Variants in CLIC5 observed in about 807,000 individuals in gnomAD.
CLIC5 encodes the protein CLIC family member 5.
A neutral mutation model predicts 24.7 loss-of-function variants in CLIC5; 20 were observed. That is an observed-to-expected ratio of 0.81 (90% CI 0.57 to 1.18). The LOEUF is 1.18. Among genes scored for constraint, CLIC5 ranks in the 50% most tolerant of loss-of-function variants. The pLI is 0.00. For synonymous variants in CLIC5, 159 were observed against 135.6 expected (o/e 1.17, Z -1.20); for missense variants, 341 against 326.1 (o/e 1.05, Z -0.35).
chr6:46,108,987 G>A, the CLIC5 span, among the ~76,000 whole-genome samples: 1 of 152,208 alleles, frequency 6.6e-6, no homozygotes, highest in South Asian at 2.1e-4. Context: ...AAGAAATGGT[G>A]TTTAACTTGT....
the CLIC5 span, among the ~76,000 whole-genome samples, chr6:46,103,638 C>T: frequency 3.7e-5 from 5 of 135,008 alleles, no homozygotes; most frequent in African/African-American, 1.3e-4. Flanking sequence ...CTCAGGATGG[C>T]ATACATTTCT....
In CLIC5 at chr6:45,926,014, T is replaced by A. The variant is rs945165532; in HGVS notation, c.407-11605A>T. ...AAAACTCATCTTAGGGTCCCCACAA[T>A]GGAAACAGAACATGGATAACTATCA... On this transcript the variant is annotated intron_variant, in intron 4 of 5. Transcript: ENST00000339561. Among the ~76,000 whole-genome samples, 12 of 151,880 alleles carry A rather than the reference T, an allele frequency of 7.9e-5. 1 individual carries two copies. The highest frequency in any genetic ancestry group is 2.9e-4 in the African/African-American group (12 of 41,320).
chr6:45,984,320 G>A (rs1047284626), intron 1 of CLIC5, among the ~76,000 whole-genome samples: 6 of 152,132 alleles, frequency 3.9e-5, no homozygotes, highest in Admixed American at 3.3e-4. Context: ...CTTCAGGTCC[G>A]CAATGCCAGT....
At chr6:46,110,795 A>G in the CLIC5 span, among the ~76,000 whole-genome samples, 1 of 152,196 alleles carries the variant, frequency 6.6e-6, no homozygotes, top group Middle Eastern at 3.2e-3. Context: ...AAGCCTTTTA[A>G]AAGTCTAGTC....
rs529501731 is a variant in CLIC5 at position 46,043,303 on chromosome 6, T to C, written c.540+36400A>G. ...TAAAGCATGTATTGTATTTTCTTAT[T>C]TTATAGATGAGAAAAGTGAGGATTA... On this transcript the variant is annotated intron_variant, in intron 1 of 5. Transcript: ENST00000185206. 3.3e-5 allele frequency among the ~76,000 whole-genome samples: 5 copies of C among 152,334 alleles called. No homozygotes were observed. In the South Asian group the frequency reaches 1.0e-3, roughly 32 times the overall value.
chr6:46,031,877 C>T (rs759149398), intron 1 of CLIC5, among the ~76,000 whole-genome samples: 4 of 144,108 alleles, frequency 2.8e-5, no homozygotes, highest in Non-Finnish European at 6.0e-5. Flanking sequence ...ATATATATAA[C>T]ATATATATAT....
the CLIC5 span, among the ~76,000 whole-genome samples, chr6:46,109,006 G>A: frequency 6.6e-6 from 1 of 151,664 alleles, no homozygotes; most frequent in African/African-American, 2.4e-5. Flanking sequence ...GTATAAATAC[G>A]TTATTAATGT....
intron 1 of CLIC5, among the ~76,000 whole-genome samples, chr6:45,979,762 A>C (rs73738322): frequency 0.039 from 5,685 of 145,510 alleles, 351 homozygotes; most frequent in African/African-American, 0.13. Flanking sequence ...AAACCATTAC[A>C]TGAGAAATGG....
the CLIC5 span, among the ~76,000 whole-genome samples, chr6:46,085,596 G>A: frequency 2.6e-5 from 4 of 152,192 alleles, no homozygotes; most frequent in South Asian, 2.1e-4. Context: ...GCAGATTTTC[G>A]TGAACCACAA....
In CLIC5 at chr6:45,900,796, C is replaced by T. The variant is rs1317951098; in HGVS notation, c.*2292G>A. The stretch of plus-strand genomic sequence containing the variant: ...TATATTTATCTCTGTAAAACTAGCT[C>T]AACCACAGAAGGGACATCTAGAAAC... On this transcript the variant is annotated 3_prime_UTR_variant, in exon 6 of 6. Coordinates refer to ENST00000339561, the MANE Select transcript of CLIC5 (RefSeq NM_016929.5). 1 of 152,124 alleles carries T rather than the reference C, an allele frequency of 6.6e-6. No individual in the cohort carries two copies. The highest frequency in any genetic ancestry group is 1.5e-5 in the Non-Finnish European group (1 of 68,034). The allele number at this position is 152,124 out of a possible 1,614,324, so 9.4% of individuals were successfully genotyped here.
the CLIC5 span, among the ~76,000 whole-genome samples, chr6:46,118,000 G>A: frequency 6.6e-6 from 1 of 152,156 alleles, no homozygotes; most frequent in African/African-American, 2.4e-5. Context: ...AGTGGTCTAT[G>A]CCCTTGCCTG....
chr6:46,044,246 TA>T (rs112675809), intron 1 of CLIC5, among the ~76,000 whole-genome samples: 4 of 152,082 alleles, frequency 2.6e-5, no homozygotes, highest in African/African-American at 7.2e-5. Flanking sequence ...TTTTGACTAA[TA>T]AAAAAGGAAA....
intron 1 of CLIC5, among the ~76,000 whole-genome samples, chr6:45,964,149 C>T (rs377169756): frequency 6.6e-6 from 1 of 152,182 alleles, no homozygotes; most frequent in East Asian, 1.9e-4. Flanking sequence ...GCTGTTTCTG[C>T]TCACTAGCCC....
intron 2 of CLIC5, among the ~76,000 whole-genome samples, chr6:45,952,754 C>T (rs950505918): frequency 6.6e-6 from 1 of 152,086 alleles, no homozygotes; most frequent in African/African-American, 2.4e-5. Flanking sequence ...AGGAACCAAA[C>T]CATCTGAAGC....
intron 1 of CLIC5, among the ~76,000 whole-genome samples, chr6:45,975,966 A>G (rs1402754115): frequency 6.6e-6 from 1 of 152,164 alleles, no homozygotes; most frequent in Non-Finnish European, 1.5e-5. Flanking sequence ...GTGATGGAAA[A>G]AAAACCACCA....
chr6:46,077,342 C>T (rs1023897243), intron 1 of CLIC5, among the ~76,000 whole-genome samples: 1 of 152,148 alleles, frequency 6.6e-6, no homozygotes, highest in African/African-American at 2.4e-5. Flanking sequence ...AGTATCAATG[C>T]AGCCCAGTGG....
chr6:46,036,522 G>A (rs539832506), intron 1 of CLIC5, among the ~76,000 whole-genome samples: 3 of 152,216 alleles, frequency 2.0e-5, no homozygotes, highest in African/African-American at 7.2e-5. Context: ...ATGTTAGCCA[G>A]AATGGTCTCC....
intron 1 of CLIC5, among the ~76,000 whole-genome samples, chr6:46,021,088 CAAA>C (rs61574485): frequency 0.13 from 9,273 of 71,828 alleles, 249 homozygotes; most frequent in Middle Eastern, 0.19. Flanking sequence ...TTTTACAACT[CAAA>C]AAAAAAAAAA....
chr6:45,994,421 A>C, intron 1 of CLIC5, among the ~76,000 whole-genome samples: 1 of 152,242 alleles, frequency 6.6e-6, no homozygotes, highest in East Asian at 1.9e-4. Flanking sequence ...GTTCTCACTC[A>C]TAAGTGGGAG....
Sources: gnomAD v4.1 joint callset for allele counts (sites outside exome capture counted in the v4.1 genomes callset) on GRCh38, gnomAD v4.1.1 for gene constraint, MANE v1.5 for transcripts, NCBI Gene and HGNC (gene_info 2026-07-23, HGNC 2026-07-21) for gene names.